The following SV2B variants were observed in gnomAD, a reference collection of about 807,000 sequenced individuals.
SV2B encodes solute carrier family 22 member B2.
SV2B carries 41 observed loss-of-function variants against 73.9 expected under a neutral mutation model. The observed-to-expected ratio is 0.56, with a 90% CI of 0.43 to 0.72. SV2B has a LOEUF of 0.72. SV2B is among the 30% of genes least tolerant of loss of function. The pLI is 0.00. For synonymous variants in SV2B, 314 were observed against 314.2 expected, an observed-to-expected ratio of 1.00 and a Z score of 0.01; for missense variants, 764 against 857.8, an observed-to-expected ratio of 0.89 and a Z score of 1.37.
In SV2B at chr15:91,244,809, C is replaced by T. The variant is rs1401558785; in HGVS notation, c.452-7010C>T. ...AATGGAATGGAAATGACAGGAATTA[C>T]TTTTTAGAGATGTTATTATAGATGC... On this transcript the variant is annotated intron_variant, in intron 2 of 12. Transcript: ENST00000394232. Among the ~76,000 whole-genome samples, 3 of 152,148 alleles carry T rather than the reference C, an allele frequency of 2.0e-5. No homozygotes were observed. In the South Asian group the frequency reaches 6.2e-4, roughly 32 times the overall value.
intron 1 of SV2B, among the ~76,000 whole-genome samples, chr15:91,154,132 T>C (rs2043406187): frequency 6.8e-6 from 1 of 147,878 alleles, no homozygotes; most frequent in African/African-American, 2.4e-5. Context: ...AATATATTAA[T>C]ATTTGATATT....
chr15:91,168,513 G>C (rs1324837516), intron 1 of SV2B, among the ~76,000 whole-genome samples: 5 of 152,036 alleles, frequency 3.3e-5, no homozygotes, highest in African/African-American at 2.4e-5. Context: ...GAGAAAAAGG[G>C]GATACCTCCC....
chr15:91,221,515 G>C (rs1171992444), intron 1 of SV2B, among the ~76,000 whole-genome samples: 2 of 152,076 alleles, frequency 1.3e-5, no homozygotes, highest in African/African-American at 2.4e-5. Flanking sequence ...TTCCAGTCCA[G>C]AATTTGGCTC....
intron 1 of SV2B, among the ~76,000 whole-genome samples, chr15:91,102,783 G>A (rs576563854): frequency 1.3e-5 from 2 of 152,212 alleles, no homozygotes; most frequent in Non-Finnish European, 2.9e-5. Context: ...GGCCAGGGAA[G>A]GCTTTTTGGT....
intron 1 of SV2B, among the ~76,000 whole-genome samples, chr15:91,109,395 G>A (rs969744324): frequency 1.3e-5 from 2 of 152,250 alleles, no homozygotes; most frequent in East Asian, 3.8e-4. Flanking sequence ...CAGGTGATAT[G>A]TGTGTGGGCA....
rs998008722 is a variant in SV2B at position 91,242,182 on chromosome 15, T to C, written c.452-9637T>C. Among the ~76,000 whole-genome samples, 1 of 152,238 alleles carries C rather than the reference T, an allele frequency of 6.6e-6. No individual in the cohort carries two copies. Among genetic ancestry groups the C allele is most frequent in the Non-Finnish European group, 1.5e-5 (1 of 68,042 alleles). On this transcript the variant is annotated intron_variant, in intron 2 of 12. Coordinates refer to ENST00000394232, the MANE Select transcript of SV2B (RefSeq NM_001323032.3). This position sits in a 1 kb window ranked among gnomAD's most constrained non-coding sequence, Gnocchi z 4.9. ...TACCTCTGTCTCCTCGTTTTCCACC[T>C]GCCCATTGGCTGCTCCTTCTTGTTC... is the stretch of plus-strand genomic sequence containing the variant.
upstream of SV2B, chr15:91,100,243 C>G (rs932873682): frequency 6.6e-6 from 1 of 152,084 alleles, no homozygotes; most frequent in African/African-American, 2.4e-5. The surrounding 1 kb of genome is among the most constrained non-coding windows in gnomAD (Gnocchi z 6.4). Context: ...TGACACCCGC[C>G]GGCGCCTGCC....
chr15:91,163,587 C>T (rs188785390), intron 1 of SV2B, among the ~76,000 whole-genome samples: 2 of 152,300 alleles, frequency 1.3e-5, no homozygotes, highest in African/African-American at 4.8e-5. Flanking sequence ...TGTTCATATC[C>T]TTCGCCCACT....
rs1307914226 is a variant in SV2B, at chr15:91,227,224, GA to G, written c.451+511del. Among the ~76,000 whole-genome samples the G allele has an allele frequency of 6.6e-6, 1 of 152,140 alleles. No homozygotes were observed. Among genetic ancestry groups the G allele is most frequent in the Non-Finnish European group, 1.5e-5 (1 of 68,020 alleles). ...AGGCTGAATGCCCACATACCCTGGG[GA>G]TGAATGGTGGGCTTAAGCACACCCG... On this transcript the variant is annotated intron_variant, in intron 2 of 12. Coordinates refer to ENST00000394232, the MANE Select transcript of SV2B (RefSeq NM_001323032.3). This position sits in a 1 kb window ranked among gnomAD's most constrained non-coding sequence, Gnocchi z 4.5.
At chr15:91,163,084 T>A (rs964102965) in intron 1 of SV2B, among the ~76,000 whole-genome samples, 1 of 152,260 alleles carries the variant, frequency 6.6e-6, no homozygotes, top group East Asian at 1.9e-4. Flanking sequence ...CCCTACAAAG[T>A]ACATGAACTC....
rs2049163683 is a variant in SV2B, at chr15:91,294,764, G to C, written c.*2212G>C. ...AAATTGGATTAACATTGGAGTGCTG[G>C]GGTGGCTGCAATAATTTGGGGGCTA... On this transcript the variant is annotated 3_prime_UTR_variant, in exon 13 of 13. Coordinates refer to ENST00000394232, the MANE Select transcript of SV2B (RefSeq NM_001323032.3). This position sits in a 1 kb window ranked among gnomAD's most constrained non-coding sequence, Gnocchi z 4.1. 6.6e-6 allele frequency: 1 copy of C among 152,148 alleles called. No individual in the cohort carries two copies. Among genetic ancestry groups the C allele is most frequent in the Admixed American group, 6.6e-5 (1 of 15,262 alleles). The allele number at this position is 152,148 out of a possible 1,614,324, so 9.4% of individuals were successfully genotyped here.
In SV2B at chr15:91,283,539, G is replaced by A. The variant is rs1279782048; in HGVS notation, c.1508-482G>A. 6.6e-6 allele frequency among the ~76,000 whole-genome samples: 1 copy of A among 152,132 alleles called. No homozygotes were observed. The highest frequency in any genetic ancestry group is 1.5e-5 in the Non-Finnish European group (1 of 68,036). On this transcript the variant is annotated intron_variant, in intron 10 of 12. Transcript: ENST00000394232. The surrounding 1 kb of genome is among the most constrained non-coding windows in gnomAD (Gnocchi z 4.3). ...TAGCCTTGACCTCCTGGGCTCAAGT[G>A]ATCCTCCTGCCTCAGGTGCCAGAGT... is the stretch of plus-strand genomic sequence containing the variant.
chr15:91,213,625 C>G (rs1430696029), intron 1 of SV2B, among the ~76,000 whole-genome samples: 1 of 152,002 alleles, frequency 6.6e-6, no homozygotes, highest in Admixed American at 6.6e-5. Context: ...TTTACCATGT[C>G]CCTGGCAAAG....
intron 1 of SV2B, among the ~76,000 whole-genome samples, chr15:91,191,784 G>A (rs907800763): frequency 1.3e-5 from 2 of 152,110 alleles, no homozygotes; most frequent in Non-Finnish European, 2.9e-5. Context: ...AATACAACTT[G>A]AGAATCTCAT....
In SV2B at chr15:91,241,490, A is replaced by G. The variant is rs576866479; in HGVS notation, c.452-10329A>G. ...TCCTTCATTTCCCTCATCCCTTCAC[A>G]CTCTCCTTGATGGTTATTTTGTGTC... On this transcript the variant is annotated intron_variant, in intron 2 of 12. Transcript: ENST00000394232. The surrounding 1 kb of genome is among the most constrained non-coding windows in gnomAD (Gnocchi z 4.8). 6.7e-6 allele frequency among the ~76,000 whole-genome samples: 1 copy of G among 150,262 alleles called. No homozygotes were observed. Among genetic ancestry groups the G allele is most frequent in the East Asian group, 2.0e-4 (1 of 5,074 alleles).
intron 11 of SV2B, among the ~76,000 whole-genome samples, chr15:91,286,107 G>T (rs2048851684): frequency 6.6e-6 from 1 of 152,208 alleles, no homozygotes; most frequent in Non-Finnish European, 1.5e-5. Flanking sequence ...CTAGAGGCAA[G>T]CTTGTTAAGA....
chr15:91,180,090 G>T (rs1174013419), intron 1 of SV2B, among the ~76,000 whole-genome samples: 3 of 151,602 alleles, frequency 2.0e-5, no homozygotes, highest in Admixed American at 1.3e-4. Flanking sequence ...CAGGCCTGGT[G>T]GTGACAAAAT....
rs1469702238 is a variant in SV2B at position 91,105,972 on chromosome 15, C to T, written c.-392+5609C>T. Among the ~76,000 whole-genome samples, 2 of 152,092 alleles carry T rather than the reference C, an allele frequency of 1.3e-5. No individual in the cohort carries two copies. The highest frequency in any genetic ancestry group is 2.9e-5 in the Non-Finnish European group (2 of 68,020). On this transcript the variant is annotated intron_variant, in intron 1 of 12. Transcript: ENST00000394232. The surrounding 1 kb of genome is among the most constrained non-coding windows in gnomAD (Gnocchi z 5.5). ...TCTGAGGTGGGAGGATCACCTGAGC[C>T]TGGGGAGGTCGAGGCTGCAGTGAGT...
At chr15:91,113,816 C>T (rs763430325) in intron 1 of SV2B, among the ~76,000 whole-genome samples, 4 of 152,136 alleles carry the variant, frequency 2.6e-5, no homozygotes, top group Non-Finnish European at 5.9e-5. Context: ...ATTTCCTGAT[C>T]TTTAAAATAG....
Sources: gnomAD v4.1 joint callset for allele counts (sites outside exome capture counted in the v4.1 genomes callset) on GRCh38, gnomAD v4.1.1 for gene constraint, Gnocchi (gnomAD v3.1) non-coding constraint, MANE v1.5 for transcripts, NCBI Gene and HGNC (gene_info 2026-07-23, HGNC 2026-07-21) for gene names.